The following HIP1 variants were observed in gnomAD, a reference collection of about 807,000 sequenced individuals.
The protein encoded by HIP1 is huntingtin-interacting protein 1.
Under a neutral mutation model 147.6 loss-of-function variants are expected in HIP1, and 65 were observed. The observed-to-expected ratio is 0.44, with a 90% CI of 0.36 to 0.54. The LOEUF is 0.54. Among genes scored for constraint, HIP1 ranks in the 20% least tolerant of loss-of-function variants. The pLI is 0.00. For synonymous variants in HIP1, 479 were observed against 504.0 expected (o/e 0.95, Z 0.67); for missense variants, 1,061 against 1,299.6 (o/e 0.82, Z 2.82).
intron 1 of HIP1, among the ~76,000 whole-genome samples, chr7:75,664,221 T>C (rs1268460829): frequency 6.8e-6 from 1 of 146,958 alleles, no homozygotes. Context: ...TATATACATA[T>C]ATTGTGTGTG....
intron 1 of HIP1, among the ~76,000 whole-genome samples, chr7:75,620,296 G>C (rs1336517191): frequency 1.3e-5 from 2 of 151,562 alleles, no homozygotes; most frequent in Non-Finnish European, 2.9e-5. Flanking sequence ...TGAGGTGGGA[G>C]GATCACCTGA....
chr7:75,732,703 C>A (rs1436535273), intron 1 of HIP1, among the ~76,000 whole-genome samples: 1 of 152,152 alleles, frequency 6.6e-6, no homozygotes, highest in East Asian at 1.9e-4. Context: ...TTTTGACTCT[C>A]TAAAGGTTTG....
intron 1 of HIP1, among the ~76,000 whole-genome samples, chr7:75,614,366 A>G (rs1390205545): frequency 6.6e-6 from 1 of 152,072 alleles, no homozygotes; most frequent in African/African-American, 2.4e-5. Context: ...TATGGTATGT[A>G]TATTTTACCA....
At chr7:75,656,442 A>AT (rs1554512657) in intron 1 of HIP1, among the ~76,000 whole-genome samples, 1 of 151,540 alleles carries the variant, frequency 6.6e-6, no homozygotes, top group Non-Finnish European at 1.5e-5. Flanking sequence ...AGAAAAAAAA[A>AT]AAAAAGAAAA....
At chr7:75,728,322 C>T (rs991862464) in intron 1 of HIP1, among the ~76,000 whole-genome samples, 2 of 152,228 alleles carry the variant, frequency 1.3e-5, no homozygotes, top group African/African-American at 4.8e-5. Context: ...GTCCTGCCCA[C>T]ACACTGGGAA....
intron 1 of HIP1, among the ~76,000 whole-genome samples, chr7:75,700,158 A>T (rs1414217553): frequency 1.3e-5 from 2 of 152,042 alleles, no homozygotes; most frequent in African/African-American, 4.8e-5. Flanking sequence ...GCCGGCACCG[A>T]GTTCTTGAAT....
chr7:75,725,805 G>A (rs1216006873), intron 1 of HIP1, among the ~76,000 whole-genome samples: 1 of 150,476 alleles, frequency 6.6e-6, no homozygotes, highest in Non-Finnish European at 1.5e-5. Flanking sequence ...CTAAATGTCT[G>A]TGGGTGCATG....
At chr7:75,704,123 C>T (rs2117333529) in intron 1 of HIP1, among the ~76,000 whole-genome samples, 1 of 152,106 alleles carries the variant, frequency 6.6e-6, no homozygotes, top group East Asian at 1.9e-4. Flanking sequence ...CATGCAGGAC[C>T]CCACAGAATA....
rs1554493444 is a variant in HIP1 at position 75,556,765 on chromosome 7, G to A, written c.1628C>T (p.Ala543Val). 1 of 1,613,698 alleles carries A rather than the reference G, an allele frequency of 6.2e-7. No homozygotes were observed. The change falls in exon 17 of 31, where the codon GCC becomes GTC. Residue 543 changes from alanine (A) to valine (V), a missense_variant. Ala to Val is a moderately conservative substitution (Grantham distance 64). Transcript: ENST00000336926. ...EVLESLKQEL[A>V]TSQRELQVLQ... The stretch of plus-strand genomic sequence containing the variant: ...AACCTGAAGCTCCCGTTGGCTTGTG[G>A]CAAGTTCCTGCTTCAAGCTCTCTAG...
intron 1 of HIP1, among the ~76,000 whole-genome samples, chr7:75,644,451 C>T (rs781991439): frequency 6.6e-6 from 1 of 152,050 alleles, no homozygotes; most frequent in Non-Finnish European, 1.5e-5. Context: ...TGCACCACCA[C>T]GCTCGGCAAA....
chr7:75,726,241 A>G (rs1801645983), intron 1 of HIP1, among the ~76,000 whole-genome samples: 1 of 151,334 alleles, frequency 6.6e-6, no homozygotes, highest in African/African-American at 2.4e-5. Flanking sequence ...ACATTATCCA[A>G]TGTGGTTGCC....
At chr7:75,549,047 C>G in intron 22 of HIP1, 46 bp from the exon 23 acceptor site, 1 of 1,316,142 alleles carries the variant, frequency 7.6e-7, no homozygotes, top group South Asian at 1.2e-5. Context: ...GGCCTCCTGT[C>G]TCTTCTCCTC....
chr7:75,729,137 T>C (rs1584984991), intron 1 of HIP1, among the ~76,000 whole-genome samples: 1 of 130,810 alleles, frequency 7.6e-6, no homozygotes, highest in Admixed American at 7.8e-5. Flanking sequence ...TTCTAACAAG[T>C]GAATAAAAAT....
At chr7:75,730,375 T>G (rs1382912338) in intron 1 of HIP1, among the ~76,000 whole-genome samples, 3 of 151,870 alleles carry the variant, frequency 2.0e-5, no homozygotes, top group Non-Finnish European at 4.4e-5. Context: ...GTTTCGCTCT[T>G]GTTGCCCAGG....
intron 1 of HIP1, among the ~76,000 whole-genome samples, chr7:75,621,287 C>T (rs1485281480): frequency 6.7e-6 from 1 of 150,358 alleles, no homozygotes. Flanking sequence ...AGAAGCCCAG[C>T]TGGCAGGCGC....
intron 8 of HIP1, among the ~76,000 whole-genome samples, chr7:75,570,294 C>CT (rs782607899): frequency 0.028 from 3,746 of 135,026 alleles, 69 homozygotes; most frequent in Non-Finnish European, 0.04. Flanking sequence ...TGACACGTTT[C>CT]TTTTTTTTTT....
chr7:75,649,545 G>A (rs1464475112), intron 1 of HIP1, among the ~76,000 whole-genome samples: 2 of 152,110 alleles, frequency 1.3e-5, no homozygotes, highest in African/African-American at 4.8e-5. Context: ...TGCCAGCTGC[G>A]GTTCTTCACC....
chr7:75,732,483 G>A (rs1801868783), intron 1 of HIP1, among the ~76,000 whole-genome samples: 1 of 152,010 alleles, frequency 6.6e-6, no homozygotes, highest in Non-Finnish European at 1.5e-5. Flanking sequence ...CAATCGTCCT[G>A]TCTCTGCCTG....
intron 1 of HIP1, among the ~76,000 whole-genome samples, chr7:75,727,861 A>G (rs2117395868): frequency 6.6e-6 from 1 of 152,184 alleles, no homozygotes; most frequent in Non-Finnish European, 1.5e-5. Flanking sequence ...AAAAAAAAAA[A>G]AAACTTAGCA....
Sources: allele counts gnomAD v4.1 joint callset (sites outside exome capture counted in the v4.1 genomes callset), GRCh38; gene constraint gnomAD v4.1.1; transcripts MANE v1.5; gene names NCBI Gene and HGNC (gene_info 2026-07-23, HGNC 2026-07-21).